CTNND2: variants seen among roughly 807,000 people sequenced by gnomAD.
CTNND2 encodes the protein catenin delta-2.
A neutral mutation model predicts 144.4 loss-of-function variants in CTNND2; 22 were observed. That is an observed-to-expected ratio of 0.15 (90% CI 0.11 to 0.22). The LOEUF (loss-of-function observed/expected upper bound fraction) is 0.22. Among genes scored for constraint, CTNND2 ranks in the 10% least tolerant of loss-of-function variants. CTNND2 has a pLI of 1.00. For synonymous variants in CTNND2, 751 were observed against 695.6 expected, an observed-to-expected ratio of 1.08 and a Z score of -1.25; for missense variants, 1,353 against 1,618.8, an observed-to-expected ratio of 0.84 and a Z score of 2.82.
At chr5:11,021,959 A>T (rs1205824771) in intron 17 of CTNND2, among the ~76,000 whole-genome samples, 1 of 152,148 alleles carries the variant, frequency 6.6e-6, no homozygotes, top group Non-Finnish European at 1.5e-5. Flanking sequence ...TTTCTGTAAA[A>T]TTGACACCTT....
At chr5:11,506,677 A>G (rs1771069659) in intron 3 of CTNND2, among the ~76,000 whole-genome samples, 1 of 152,212 alleles carries the variant, frequency 6.6e-6, no homozygotes, top group African/African-American at 2.4e-5. Context: ...AATATACACA[A>G]TTCATTTTTT....
intron 9 of CTNND2, among the ~76,000 whole-genome samples, chr5:11,301,992 T>C (rs1749659637): frequency 6.6e-6 from 1 of 151,680 alleles, no homozygotes; most frequent in South Asian, 2.1e-4. Flanking sequence ...AGGGTGGGGG[T>C]CCTGAGAAGG....
At chr5:11,721,698 T>C (rs2072310012) in intron 2 of CTNND2, among the ~76,000 whole-genome samples, 1 of 152,228 alleles carries the variant, frequency 6.6e-6, no homozygotes, top group African/African-American at 2.4e-5. Flanking sequence ...TGGTGCTGCA[T>C]GCCTGGAGAC....
At chr5:11,883,662 G>A (rs1224326536) in intron 1 of CTNND2, among the ~76,000 whole-genome samples, 1 of 152,190 alleles carries the variant, frequency 6.6e-6, no homozygotes, top group Non-Finnish European at 1.5e-5. Context: ...TGTCTTTATA[G>A]TAGAATGATT....
chr5:11,634,826 T>C (rs1781596727), intron 2 of CTNND2, among the ~76,000 whole-genome samples: 4 of 152,126 alleles, frequency 2.6e-5, no homozygotes, highest in Admixed American at 2.0e-4. Context: ...TGAAAAACCA[T>C]TTCCTAAAGG....
At chr5:11,116,750 A>T (rs1561328831) in intron 13 of CTNND2, among the ~76,000 whole-genome samples, 1 of 152,172 alleles carries the variant, frequency 6.6e-6, no homozygotes, top group Non-Finnish European at 1.5e-5. Flanking sequence ...CAAGTTTATA[A>T]GAATATGGGA....
At position 11,031,851 on chromosome 5, in the gene CTNND2, C is replaced by T. The variant is rs187504254; in HGVS notation, c.2789-8872G>A. ...TGGCATCTGGACTCTTGGACTTACA[C>T]CACTGGTTTGACAGGGGCTTTTGGG... On this transcript the variant is annotated intron_variant, in intron 16 of 21. Transcript: ENST00000304623. Among the ~76,000 whole-genome samples the T allele has an allele frequency of 6.7e-4, 102 of 152,350 alleles. 1 individual carries two copies. The highest frequency in any genetic ancestry group is 3.3e-3 in the South Asian group (16 of 4,828).
intron 11 of CTNND2, among the ~76,000 whole-genome samples, chr5:11,188,288 G>A (rs1025245677): frequency 1.3e-5 from 2 of 152,154 alleles, no homozygotes; most frequent in Non-Finnish European, 2.9e-5. Context: ...AAAGGAGTGA[G>A]ATCATTTCTT....
At chr5:11,383,015 T>G (rs1758675245) in intron 7 of CTNND2, among the ~76,000 whole-genome samples, 1 of 152,150 alleles carries the variant, frequency 6.6e-6, no homozygotes, top group Admixed American at 6.6e-5. Context: ...TTGGCTCTAT[T>G]CAGCTCCATT....
At chr5:11,571,712 C>T (rs989795352) in intron 2 of CTNND2, among the ~76,000 whole-genome samples, 8 of 152,096 alleles carry the variant, frequency 5.3e-5, no homozygotes, top group African/African-American at 1.9e-4. Context: ...AATTGGTCTA[C>T]GATTTAACTC....
chr5:11,393,981 C>A (rs1012479991), intron 6 of CTNND2, among the ~76,000 whole-genome samples: 1 of 152,122 alleles, frequency 6.6e-6, no homozygotes, highest in African/African-American at 2.4e-5. Flanking sequence ...GGCATCCTTG[C>A]TGCTCTGTCA....
chr5:11,039,005 ATCATGTGCTTGTCACAGTCCTCAT>A (rs1275209318), intron 16 of CTNND2, among the ~76,000 whole-genome samples: 2 of 152,248 alleles, frequency 1.3e-5, no homozygotes, highest in Admixed American at 1.3e-4. Flanking sequence ...CAGCGTGCAC[ATCATGTGCTTGTCACAGTCCTCAT>A]TCAGGGAAAC....
At chr5:11,283,731 T>C (rs1480407171) in intron 9 of CTNND2, among the ~76,000 whole-genome samples, 2 of 146,992 alleles carry the variant, frequency 1.4e-5, no homozygotes, top group African/African-American at 5.0e-5. Context: ...AATCTGTATA[T>C]TTGGAATTCA....
At chr5:11,143,192 G>T (rs908690640) in intron 12 of CTNND2, among the ~76,000 whole-genome samples, 1 of 152,088 alleles carries the variant, frequency 6.6e-6, no homozygotes, top group Non-Finnish European at 1.5e-5. Context: ...CATTAGCTCT[G>T]GGAAAGGTGA....
At chr5:11,030,747 G>A (rs964128429) in intron 16 of CTNND2, among the ~76,000 whole-genome samples, 3 of 130,330 alleles carry the variant, frequency 2.3e-5, no homozygotes, top group Non-Finnish European at 5.0e-5. Flanking sequence ...TTTCAGCTAT[G>A]GTTTCTGTTT....
intron 3 of CTNND2, among the ~76,000 whole-genome samples, chr5:11,485,826 T>C (rs1474272134): frequency 2.6e-5 from 4 of 152,196 alleles, no homozygotes; most frequent in Admixed American, 2.6e-4. Context: ...GCCATTATTT[T>C]TATTTTATAA....
At chr5:11,068,895 C>T (rs914746824) in intron 16 of CTNND2, among the ~76,000 whole-genome samples, 14 of 152,160 alleles carry the variant, frequency 9.2e-5, no homozygotes, top group South Asian at 2.1e-4. Flanking sequence ...CCAGCCTGGG[C>T]GACAGAGCGA....
chr5:11,887,525 G>T (rs1197112936), intron 1 of CTNND2, among the ~76,000 whole-genome samples: 1 of 151,390 alleles, frequency 6.6e-6, no homozygotes. Flanking sequence ...AAAACTTCTA[G>T]TGTTAAAAAT....
intron 2 of CTNND2, among the ~76,000 whole-genome samples, chr5:11,714,660 A>T (rs562109332): frequency 6.6e-6 from 1 of 152,234 alleles, no homozygotes; most frequent in East Asian, 1.9e-4. Context: ...TAATCCCAGC[A>T]CTTTGGGAGG....
Sources: gnomAD v4.1 joint callset for allele counts (sites outside exome capture counted in the v4.1 genomes callset) on GRCh38, gnomAD v4.1.1 for gene constraint, MANE v1.5 for transcripts, NCBI Gene and HGNC (gene_info 2026-07-23, HGNC 2026-07-21) for gene names.